The following PIEZO2 variants were observed in gnomAD, a reference collection of about 807,000 sequenced individuals.
PIEZO2 encodes piezo type mechanosensitive ion channel component 2, also known as piezo-type mechanosensitive ion channel component 2.
A neutral mutation model predicts 337.3 loss-of-function variants in PIEZO2; 172 were observed. The observed-to-expected ratio is 0.51, with a 90% confidence interval of 0.45 to 0.58. The LOEUF (loss-of-function observed/expected upper bound fraction) is 0.58. PIEZO2 is among the 20% of genes least tolerant of loss of function. The pLI, the probability that PIEZO2 is intolerant of heterozygous loss-of-function variation, is 0.00. For synonymous variants in PIEZO2, 1,251 were observed against 1,228.5 expected (o/e 1.02, Z -0.38); for missense variants, 3,028 against 3,391.3 (o/e 0.89, Z 2.66).
intron 2 of PIEZO2, among the ~76,000 whole-genome samples, chr18:11,046,943 G>C (rs2037338978): frequency 1.3e-5 from 2 of 152,214 alleles, no homozygotes; most frequent in Admixed American, 6.5e-5. Context: ...ACTTGTCTTT[G>C]ATACGCTCTC....
chr18:10,983,755 C>T (rs1207992179), intron 2 of PIEZO2, among the ~76,000 whole-genome samples: 5 of 152,118 alleles, frequency 3.3e-5, no homozygotes, highest in Non-Finnish European at 7.4e-5. Flanking sequence ...CCTTGTACAT[C>T]CCTGTGCATG....
intron 42 of PIEZO2, 156 bp downstream of exon 42, chr18:10,704,238 T>C (rs1598378452): frequency 9.6e-7 from 1 of 1,042,500 alleles, no homozygotes; most frequent in Non-Finnish European, 1.3e-6. Flanking sequence ...TGCTGACGAT[T>C]TGTGTATCTA....
chr18:10,986,102 A>T (rs2034860033), intron 2 of PIEZO2, among the ~76,000 whole-genome samples: 1 of 152,000 alleles, frequency 6.6e-6, no homozygotes, highest in Admixed American at 6.6e-5. Context: ...TCAAAAACTC[A>T]CACAAAAGAA....
rs140643449 is a variant in PIEZO2, at chr18:10,991,663, T to C, written c.161-12003A>G. ...GTTTGGGTTGGTTCCAAGTCTTTGT[T>C]ATCGTGAATAGTGCTGCAATAATCT... is the stretch of plus-strand genomic sequence containing the variant. On this transcript the variant is annotated intron_variant, in intron 2 of 55. Coordinates refer to ENST00000674853, the MANE Select transcript of PIEZO2 (RefSeq NM_001378183.1). Among the ~76,000 whole-genome samples, 474 of 152,286 alleles carry C rather than the reference T, an allele frequency of 3.1e-3. 3 individuals carry two copies. Among genetic ancestry groups the C allele is most frequent in the African/African-American group, 0.011 (446 of 41,550 alleles).
chr18:11,106,650 TGATCTTCC>T (rs2039577517), intron 1 of PIEZO2, among the ~76,000 whole-genome samples: 2 of 152,008 alleles, frequency 1.3e-5, no homozygotes, highest in Non-Finnish European at 2.9e-5. Flanking sequence ...TGCGCTCAAG[TGATCTTCC>T]GATCTCAGCC....
chr18:10,723,209 C>T (rs1199267353), intron 36 of PIEZO2, among the ~76,000 whole-genome samples: 3 of 152,004 alleles, frequency 2.0e-5, no homozygotes, highest in Admixed American at 6.6e-5. Flanking sequence ...TCAGGTGATC[C>T]GCCCACCTTA....
chr18:10,823,000 C>G (rs1382234050), intron 7 of PIEZO2, among the ~76,000 whole-genome samples: 1 of 152,152 alleles, frequency 6.6e-6, no homozygotes, highest in Non-Finnish European at 1.5e-5. Context: ...TAGAATATCT[C>G]TTAATACTAA....
At chr18:10,956,958 A>T (rs2033554031) in intron 3 of PIEZO2, among the ~76,000 whole-genome samples, 1 of 143,732 alleles carries the variant, frequency 7.0e-6, no homozygotes, top group Non-Finnish European at 1.5e-5. Context: ...AACAAGAGCA[A>T]AACTCCATCT....
At chr18:11,144,689 A>G (rs1251095282) in intron 1 of PIEZO2, among the ~76,000 whole-genome samples, 1 of 152,204 alleles carries the variant, frequency 6.6e-6, no homozygotes, top group African/African-American at 2.4e-5. Flanking sequence ...TGTTTTTCAG[A>G]GCACTAGTTG....
At chr18:11,108,487 G>A (rs1251433789) in intron 1 of PIEZO2, among the ~76,000 whole-genome samples, 11 of 151,814 alleles carry the variant, frequency 7.2e-5, no homozygotes, top group African/African-American at 1.2e-4. Context: ...GGTGGCGGGC[G>A]CCTGTAGTCC....
At chr18:10,762,204 A>G (rs936874011) in intron 23 of PIEZO2, among the ~76,000 whole-genome samples, 1 of 152,214 alleles carries the variant, frequency 6.6e-6, no homozygotes, top group Non-Finnish European at 1.5e-5. Context: ...GACATGCTTC[A>G]ATTCTAATGC....
chr18:10,702,370 C>A (rs1453415533), intron 42 of PIEZO2, among the ~76,000 whole-genome samples, 199 bp from the exon 43 acceptor site: 2 of 152,158 alleles, frequency 1.3e-5, no homozygotes, highest in Non-Finnish European at 2.9e-5. Context: ...CAGCATCTAA[C>A]CGTCACAGTG....
chr18:10,781,776 T>C lies in PIEZO2; in HGVS notation c.2493-1410A>G, dbSNP rs2038992092. Among the ~76,000 whole-genome samples the C allele has an allele frequency of 6.6e-6, 1 of 152,120 alleles. No individual in the cohort carries two copies. The highest frequency in any genetic ancestry group is 1.9e-4 in the East Asian group (1 of 5,174). On this transcript the variant is annotated intron_variant, in intron 17 of 55. Transcript: ENST00000674853. This position sits in a 1 kb window ranked among gnomAD's most constrained non-coding sequence, Gnocchi z 4.1. ...GCATAAGCACATATACACCAACAAG[T>C]GACACAACAGGAAAATAAGAGTTGC... is the stretch of plus-strand genomic sequence containing the variant.
At chr18:10,792,792 T>C (rs1362076416) in intron 13 of PIEZO2, among the ~76,000 whole-genome samples, 4 of 152,240 alleles carry the variant, frequency 2.6e-5, no homozygotes, top group Non-Finnish European at 5.9e-5. Context: ...TAAATGAACC[T>C]AGGACTGGAA....
chr18:11,035,104 G>A lies in PIEZO2; in HGVS notation c.160+31023C>T, dbSNP rs2036878595. Among the ~76,000 whole-genome samples, 1 of 152,198 alleles carries A rather than the reference G, an allele frequency of 6.6e-6. No individual in the cohort carries two copies. The highest frequency in any genetic ancestry group is 2.4e-5 in the African/African-American group (1 of 41,456). ...TCGAAATCAATTTATTACAGAGTGT[G>A]TAGAAGGGGATGGAGCTGAGGGCTG... is the stretch of plus-strand genomic sequence containing the variant. On this transcript the variant is annotated intron_variant, in intron 2 of 55. Coordinates refer to ENST00000674853, the MANE Select transcript of PIEZO2 (RefSeq NM_001378183.1). This position sits in a 1 kb window ranked among gnomAD's most constrained non-coding sequence, Gnocchi z 4.3.
At chr18:10,968,487 T>C (rs572708676) in intron 3 of PIEZO2, among the ~76,000 whole-genome samples, 2 of 152,286 alleles carry the variant, frequency 1.3e-5, no homozygotes, top group African/African-American at 4.8e-5. Context: ...GTGTGAAGAA[T>C]GATGGTGGTA....
intron 42 of PIEZO2, among the ~76,000 whole-genome samples, chr18:10,703,813 CT>C (rs1237288773): frequency 1.3e-5 from 2 of 152,174 alleles, no homozygotes; most frequent in Non-Finnish European, 2.9e-5. Context: ...TGAAAATGGG[CT>C]GACATCCACC....
At chr18:10,898,359 T>A (rs933264225) in intron 4 of PIEZO2, among the ~76,000 whole-genome samples, 128 of 151,818 alleles carry the variant, frequency 8.4e-4, no homozygotes, top group African/African-American at 3.0e-3. Flanking sequence ...AGGCAGAGCT[T>A]GCAGTGAGCC....
At chr18:10,848,409 G>A (rs2041431048) in intron 7 of PIEZO2, among the ~76,000 whole-genome samples, 1 of 152,094 alleles carries the variant, frequency 6.6e-6, no homozygotes, top group Non-Finnish European at 1.5e-5. Context: ...ATTTTACATT[G>A]TTTTAACATT....
Sources: allele counts gnomAD v4.1 joint callset (sites outside exome capture counted in the v4.1 genomes callset), GRCh38; gene constraint gnomAD v4.1.1; non-coding constraint Gnocchi (gnomAD v3.1); transcripts MANE v1.5; gene names NCBI Gene and HGNC (gene_info 2026-07-23, HGNC 2026-07-21).